The following CNGB3 variants were observed in gnomAD, a reference collection of about 807,000 sequenced individuals.
The protein encoded by CNGB3 is cyclic nucleotide gated channel subunit beta 3.
CNGB3 carries 86 observed loss-of-function variants against 92.8 expected under a neutral mutation model. That is an observed-to-expected ratio of 0.93 (90% CI 0.78 to 1.11). The LOEUF (loss-of-function observed/expected upper bound fraction) is 1.11. CNGB3 is among the 50% of genes least tolerant of loss of function. CNGB3 has a pLI of 0.00. For missense variants in CNGB3, 1,026 were observed against 956.8 expected, an observed-to-expected ratio of 1.07 and a Z score of -0.95; for synonymous variants, 333 against 332.7, an observed-to-expected ratio of 1.00 and a Z score of -0.01.
In CNGB3 at chr8:86,660,545, A is replaced by G. The variant is rs577733030; in HGVS notation, c.852+6380T>C. On this transcript the variant is annotated intron_variant, in intron 6 of 17. Coordinates refer to ENST00000320005, the MANE Select transcript of CNGB3 (RefSeq NM_019098.5). ...ACGATTTTTCTCATGCATCTGTACA[A>G]TGGAATTATAGGATTGTTGGGCTCT... is the stretch of plus-strand genomic sequence containing the variant. The G allele has an allele frequency of 1.3e-3, 716 of 534,082 alleles. 3 individuals are homozygous for G. Among genetic ancestry groups the G allele is most frequent in the South Asian group, 2.1e-3 (154 of 72,356 alleles). The allele number at this position is 534,082 out of a possible 1,614,324, so 33.1% of individuals were successfully genotyped here.
At chr8:86,638,639 C>A (rs1823120222) in intron 10 of CNGB3, among the ~76,000 whole-genome samples, 1 of 151,982 alleles carries the variant, frequency 6.6e-6, no homozygotes, top group Admixed American at 6.6e-5. Flanking sequence ...TAGTAGCACA[C>A]AATAGGAATT....
At position 86,735,048 on chromosome 8, in the gene CNGB3, T is replaced by G. The variant is rs1051646040; in HGVS notation, c.211+4607A>C. 4.0e-3 allele frequency among the ~76,000 whole-genome samples: 359 copies of G among 90,596 alleles called. 5 individuals are homozygous for G. Among genetic ancestry groups the G allele is most frequent in the East Asian group, 0.02 (35 of 1,766 alleles). The allele number at this position is 90,596 out of a possible 152,430, so 59.4% of individuals were successfully genotyped here. On this transcript the variant is annotated intron_variant, in intron 2 of 17. Transcript: ENST00000320005. ...AAATTCTCAAATGCCGGTGGTTTTT[T>G]TTTTTTTTTTTTTTTTTTTTTTGTA...
intron 13 of CNGB3, among the ~76,000 whole-genome samples, chr8:86,616,599 A>G (rs1284475780): frequency 1.3e-5 from 2 of 152,176 alleles, no homozygotes; most frequent in African/African-American, 4.8e-5. Flanking sequence ...CTGATGTATG[A>G]AAAGACAGGA....
At chr8:86,594,623 C>A in intron 15 of CNGB3, 2 of 213,216 alleles carry the variant, frequency 9.4e-6, no homozygotes, top group South Asian at 6.4e-5. Context: ...GCGAGTGTGT[C>A]CCTGACTGGG....
At chr8:86,688,570 A>G (rs1824234467) in intron 3 of CNGB3, among the ~76,000 whole-genome samples, 1 of 151,984 alleles carries the variant, frequency 6.6e-6, no homozygotes, top group Admixed American at 6.6e-5. Context: ...TCTGGAATTT[A>G]TCAATTTCTT....
chr8:86,626,142 G>A (rs1822843031), intron 12 of CNGB3, 62 bp from the exon 13 acceptor site: 3 of 1,317,002 alleles, frequency 2.3e-6, no homozygotes, highest in East Asian at 2.3e-5. Flanking sequence ...AGTCACCAAG[G>A]TACAAGTAGA....
intron 17 of CNGB3, among the ~76,000 whole-genome samples, chr8:86,577,701 A>AGCACTG (rs1821685501): frequency 6.6e-6 from 1 of 152,246 alleles, no homozygotes; most frequent in Non-Finnish European, 1.5e-5. Flanking sequence ...TCATGCAAAC[A>AGCACTG]GCACTGTAAT....
intron 12 of CNGB3, among the ~76,000 whole-genome samples, chr8:86,627,030 G>A (rs55901396): frequency 0.044 from 6,561 of 150,822 alleles, 197 homozygotes; most frequent in East Asian, 0.069. Context: ...GTAGGCCAAG[G>A]GTCACGTTTG....
chr8:86,706,553 CT>C (rs1824655832), intron 3 of CNGB3, among the ~76,000 whole-genome samples: 1 of 152,168 alleles, frequency 6.6e-6, no homozygotes, highest in Non-Finnish European at 1.5e-5. Context: ...GAAGTAAAAC[CT>C]TTCTCCAATT....
At chr8:86,742,501 C>T (rs374312903) in intron 1 of CNGB3, among the ~76,000 whole-genome samples, 1 of 152,144 alleles carries the variant, frequency 6.6e-6, no homozygotes, top group African/African-American at 2.4e-5. Flanking sequence ...TGTCTATCCT[C>T]TAGGCTCATT....
chr8:86,733,682 C>T (rs373463120), intron 2 of CNGB3, among the ~76,000 whole-genome samples: 9 of 152,270 alleles, frequency 5.9e-5, no homozygotes, highest in Non-Finnish European at 5.9e-5. Context: ...ACTGGTTGGT[C>T]GTACACGGTA....
intron 3 of CNGB3, among the ~76,000 whole-genome samples, chr8:86,683,969 A>G (rs541328599): frequency 1.8e-4 from 27 of 152,302 alleles, no homozygotes; most frequent in Non-Finnish European, 3.8e-4. Context: ...CCATGAAAGC[A>G]AAAATCAATC....
intron 1 of CNGB3, among the ~76,000 whole-genome samples, chr8:86,740,102 C>T (rs1310398157): frequency 6.6e-6 from 1 of 152,182 alleles, no homozygotes; most frequent in Non-Finnish European, 1.5e-5. Context: ...TCCCTTTCTT[C>T]TCTCCATGAT....
At chr8:86,650,282 A>C (rs1308787084) in intron 7 of CNGB3, among the ~76,000 whole-genome samples, 1 of 151,214 alleles carries the variant, frequency 6.6e-6, no homozygotes, top group Admixed American at 6.6e-5. Context: ...TCCCCTCTCA[A>C]CTCCTCTATG....
chr8:86,618,271 C>T (rs1224535117), intron 13 of CNGB3, among the ~76,000 whole-genome samples: 1 of 152,176 alleles, frequency 6.6e-6, no homozygotes, highest in African/African-American at 2.4e-5. Context: ...AACAGGCCAC[C>T]GACTGGCACT....
chr8:86,660,221 T>C (rs539597636), intron 6 of CNGB3: 2 of 310,750 alleles, frequency 6.4e-6, no homozygotes, highest in African/African-American at 2.2e-5. Flanking sequence ...CAGAGTTGTT[T>C]GTATGCTGAT....
chr8:86,720,093 A>C (rs1377831313), intron 3 of CNGB3, among the ~76,000 whole-genome samples: 1 of 152,198 alleles, frequency 6.6e-6, no homozygotes, highest in Non-Finnish European at 1.5e-5. Context: ...CTAGGAAAAG[A>C]CTTCATGACC....
intron 4 of CNGB3, among the ~76,000 whole-genome samples, chr8:86,669,415 G>T (rs1370847081): frequency 6.6e-6 from 1 of 152,132 alleles, no homozygotes; most frequent in Non-Finnish European, 1.5e-5. Context: ...CACAAATAAG[G>T]TGTCACAAAG....
At chr8:86,616,109 A>G (rs551039964) in intron 13 of CNGB3, among the ~76,000 whole-genome samples, 1 of 152,306 alleles carries the variant, frequency 6.6e-6, no homozygotes, top group African/African-American at 2.4e-5. Flanking sequence ...GCAGGAATAC[A>G]CACAAGCACT....
Sources: allele counts gnomAD v4.1 joint callset (sites outside exome capture counted in the v4.1 genomes callset), GRCh38; gene constraint gnomAD v4.1.1; transcripts MANE v1.5; gene names NCBI Gene and HGNC (gene_info 2026-07-23, HGNC 2026-07-21).